The following ASCC2 variants were observed in gnomAD, a reference collection of about 807,000 sequenced individuals.
The protein encoded by ASCC2 is ASC-1 complex subunit P100.
Under a neutral mutation model 93.5 loss-of-function variants are expected in ASCC2, and 42 were observed. The ratio of observed to expected loss-of-function variants is 0.45; its 90% CI spans 0.35 to 0.58. The LOEUF (loss-of-function observed/expected upper bound fraction) is 0.58, where lower values mean the gene tolerates loss of function less well. Among genes scored for constraint, ASCC2 ranks in the 20% least tolerant of loss-of-function variants. The probability of loss-of-function intolerance (pLI) is 0.00; values close to 1 mark genes in which losing one functional copy is unlikely to be tolerated. For missense variants in ASCC2, 859 were observed against 977.6 expected, an observed-to-expected ratio of 0.88 and a Z score of 1.62; for synonymous variants, 364 against 384.2, an observed-to-expected ratio of 0.95 and a Z score of 0.62.
At chr22:29,830,611 G>A (rs975430675) in intron 2 of ASCC2, among the ~76,000 whole-genome samples, 1 of 152,184 alleles carries the variant, frequency 6.6e-6, no homozygotes, top group Admixed American at 6.5e-5. Context: ...CACTGGTCTG[G>A]ATCGGCGGCC....
intron 13 of ASCC2, among the ~76,000 whole-genome samples, chr22:29,803,526 T>C (rs375760091): frequency 6.6e-6 from 1 of 152,174 alleles, no homozygotes; most frequent in East Asian, 1.9e-4. Context: ...TAAACAGCCC[T>C]GGTTTCTACC....
Position 29,814,766 on chromosome 22 carries a change from A to T in ASCC2, c.611T>A (p.Val204Asp), listed in dbSNP as rs2060645890. 1.2e-6 allele frequency: 2 copies of T among 1,609,836 alleles called. No homozygotes were observed. The highest frequency in any genetic ancestry group is 1.7e-6 in the Non-Finnish European group (2 of 1,177,792). ...LDETLPTILQ[V>D]FSNILQHCGL... ...ACAGTGCTGGAGGATATTGCTGAAG[A>T]CCTGTGAAAGACAAGAACGGGCTCT... is the stretch of plus-strand genomic sequence containing the variant. The change falls in exon 7 of 20, where the codon GTC becomes GAC. Residue 204 changes from valine (V) to aspartate (D), a missense_variant and splice_region_variant. Transcript: ENST00000307790.
intron 19 of ASCC2, among the ~76,000 whole-genome samples, chr22:29,789,439 G>A (rs1361782665): frequency 6.6e-6 from 1 of 152,220 alleles, no homozygotes; most frequent in African/African-American, 2.4e-5. Flanking sequence ...TGTAGCGGAG[G>A]AACAGCTAGA....
Position 29,834,008 on chromosome 22 carries a change from G to A in ASCC2, c.-17-1666C>T, listed in dbSNP as rs963527588. ...CTGGGATTATAGGTGTGAGCGCCTG[G>A]CCTCTAAGTGCTCTTCTCAGCATTA... On this transcript the variant is annotated intron_variant, in intron 1 of 19. Transcript: ENST00000307790. The A allele has an allele frequency of 1.2e-4, 19 of 165,166 alleles. No individual in the cohort carries two copies. In the South Asian group the frequency reaches 2.1e-3, roughly 18 times the overall value. The allele number at this position is 165,166 out of a possible 1,614,324, so 10.2% of individuals were successfully genotyped here.
chr22:29,837,659 C>T (rs2064003515), intron 1 of ASCC2, among the ~76,000 whole-genome samples: 1 of 152,164 alleles, frequency 6.6e-6, no homozygotes, highest in Non-Finnish European at 1.5e-5. Context: ...CATCATTCCT[C>T]TAGTCTCTCA....
chr22:29,790,254 T>C lies in ASCC2; in HGVS notation c.2102+215A>G, dbSNP rs191247358. On this transcript the variant is annotated intron_variant, in intron 19 of 19. Transcript: ENST00000307790. ...TCTTTGCTACATCACCTACTAGCTGTGTGACTTCTGGCTGGTTACTTAACG... is the reference window on the plus strand; with the variant it reads ...TCTTTGCTACATCACCTACTAGCTGCGTGACTTCTGGCTGGTTACTTAACG... 2.0e-5 allele frequency among the ~76,000 whole-genome samples: 3 copies of C among 152,322 alleles called. No homozygotes were observed. The East Asian group carries it at 5.8e-4, about 29-fold the overall frequency.
Position 29,793,591 on chromosome 22 carries a change from C to G in ASCC2, c.1774G>C (p.Val592Leu). 5 of 1,612,294 alleles carry G rather than the reference C, an allele frequency of 3.1e-6. No individual in the cohort carries two copies. The highest frequency in any genetic ancestry group is 4.2e-6 in the Non-Finnish European group (5 of 1,179,476). ...AQRQRYEQYSVVVEEVPLQPG... is the reference protein window; with the variant it reads ...AQRQRYEQYSLVVEEVPLQPG... ...TGGTGGCCTACCTCCTCCACCACCA[C>G]GCTGTACTGCTCGTAGCGCTGCCGC... Residue 592 changes from valine to leucine, a missense_variant, in exon 16 of 20, where the codon GTG (valine) becomes CTG (leucine). Physicochemically the swap from Val to Leu is conservative, Grantham distance 32. Coordinates refer to ENST00000307790, the MANE Select transcript of ASCC2 (RefSeq NM_032204.5).
rs35685093 is a variant in ASCC2 at position 29,818,403 on chromosome 22, T to TAC, written c.542-2332_542-2331dup. 5.4e-3 allele frequency among the ~76,000 whole-genome samples: 583 copies of TAC among 107,790 alleles called. 8 individuals carry two copies. The highest frequency in any genetic ancestry group is 5.9e-3 in the Admixed American group (56 of 9,554). 70.7% of individuals were successfully genotyped at this position (107,790 alleles called of 152,430 possible). A position where few individuals can be genotyped will look rare whatever the true frequency, so the allele number is the denominator to read the frequency against. ...TCCCTTCTCTGCATCACTCCCTGCCTACACACACACACACACACACACACA... is the reference window on the plus strand; with the variant it reads ...TCCCTTCTCTGCATCACTCCCTGCCTACACACACACACACACACACACACACA... On this transcript the variant is annotated intron_variant, in intron 5 of 19. Coordinates refer to ENST00000307790, the MANE Select transcript of ASCC2 (RefSeq NM_032204.5).
At chr22:29,827,984 T>TGA (rs1478627424) in intron 2 of ASCC2, among the ~76,000 whole-genome samples, 1 of 147,464 alleles carries the variant, frequency 6.8e-6, no homozygotes, top group Admixed American at 6.8e-5. Flanking sequence ...CACACACCCC[T>TGA]GAGATTCTAC....
chr22:29,822,661 T>C (rs2061708050), intron 4 of ASCC2, among the ~76,000 whole-genome samples, 197 bp from the exon 5 acceptor site: 1 of 151,416 alleles, frequency 6.6e-6, no homozygotes. Context: ...TCTATGTTTT[T>C]GTGTCTCTAG....
chr22:29,827,948 GACACACACACACAC>G (rs5844874), intron 2 of ASCC2, among the ~76,000 whole-genome samples: 1 of 74,416 alleles, frequency 1.3e-5, no homozygotes, highest in African/African-American at 5.5e-5. Context: ...TCATTCTTCT[GACACACACACACAC>G]ACACACACAC....
At chr22:29,802,700 T>G (rs897135059) in intron 13 of ASCC2, among the ~76,000 whole-genome samples, 6 of 152,012 alleles carry the variant, frequency 3.9e-5, no homozygotes, top group Admixed American at 6.5e-5. Context: ...CCTAGCACTT[T>G]GGGAGGCCGA....
chr22:29,808,540 G>C (rs112702616), intron 8 of ASCC2, among the ~76,000 whole-genome samples: 2,782 of 152,298 alleles, frequency 0.018, 87 homozygotes, highest in African/African-American at 0.064. Flanking sequence ...CTGTCAGTTA[G>C]CCAGGCACAG....
chr22:29,799,282 TAC>T (rs2058799114), intron 15 of ASCC2: 1 of 152,296 alleles, frequency 6.6e-6, no homozygotes, highest in South Asian at 2.1e-4. Flanking sequence ...CCGCTGGAGC[TAC>T]AGAGGGCCAT....
chr22:29,827,533 C>G (rs2062522250), intron 2 of ASCC2: 1 of 469,928 alleles, frequency 2.1e-6, no homozygotes, highest in Non-Finnish European at 4.4e-6. Context: ...AAGGCCACCT[C>G]TCATGTGGGT....
intron 1 of ASCC2, chr22:29,834,367 GCAA>G (rs1295182839): frequency 2.6e-6 from 1 of 391,054 alleles, no homozygotes; most frequent in African/African-American, 2.1e-5. Flanking sequence ...CAGAGCAAAG[GCAA>G]GGAGGTGGAA....
At position 29,814,173 on chromosome 22, in the gene ASCC2, G is replaced by A. The variant is rs2060581016; in HGVS notation, c.720+484C>T. 2.6e-5 allele frequency among the ~76,000 whole-genome samples: 4 copies of A among 152,304 alleles called. No individual in the cohort carries two copies. The South Asian group carries it at 8.3e-4, about 32-fold the overall frequency. ...GTTCCTGTTCTATCTCCAGGGCTAG[G>A]GCAGCACCTGACACATGTTGAGGCT... is the stretch of plus-strand genomic sequence containing the variant. On this transcript the variant is annotated intron_variant, in intron 7 of 19. Transcript: ENST00000307790.
chr22:29,792,305 C>T lies in ASCC2; in HGVS notation c.2022+128G>A, dbSNP rs2057852602. ...AGCAGACATCCTGGGCTCAAAGGGA[C>T]TCCTCCTGTCCCTGCCAGTGATGCT... On this transcript the variant is annotated intron_variant, in intron 18 of 19. Transcript: ENST00000307790. The T allele has an allele frequency of 1.2e-5, 18 of 1,489,278 alleles. No individual in the cohort carries two copies. The South Asian group carries it at 1.9e-4, about 15-fold the overall frequency. The allele number at this position is 1,489,278 out of a possible 1,614,324, so 92.3% of individuals were successfully genotyped here.
In ASCC2 at chr22:29,837,049, C is replaced by T. The variant is rs143775829; in HGVS notation, c.-18+1129G>A. Among the ~76,000 whole-genome samples the T allele has an allele frequency of 1.1e-3, 160 of 152,306 alleles. 1 individual carries two copies. The highest frequency in any genetic ancestry group is 3.8e-3 in the African/African-American group (156 of 41,564). On this transcript the variant is annotated intron_variant, in intron 1 of 19. Transcript: ENST00000307790. ...AGCTATGTAGATAAGGCTCATGAAG[C>T]TGTGGCAGCATTTAAAAGAGAGACC...
Sources: gnomAD v4.1 joint callset for allele counts (sites outside exome capture counted in the v4.1 genomes callset) on GRCh38, gnomAD v4.1.1 for gene constraint, MANE v1.5 for transcripts, NCBI Gene and HGNC (gene_info 2026-07-23, HGNC 2026-07-21) for gene names.